The following KSR1 variants were observed in gnomAD, a reference collection of about 807,000 sequenced individuals.
KSR1 encodes the protein kinase suppressor of ras 1.
KSR1 carries 35 observed loss-of-function variants against 92.9 expected under a neutral mutation model. The observed-to-expected ratio is 0.38, with a 90% CI of 0.29 to 0.50. The LOEUF (loss-of-function observed/expected upper bound fraction) is 0.50, where lower values mean the gene tolerates loss of function less well. Among genes scored for constraint, KSR1 ranks in the 20% least tolerant of loss-of-function variants. The pLI, the probability that KSR1 is intolerant of heterozygous loss-of-function variation, is 0.94. For synonymous variants in KSR1, 467 were observed against 472.6 expected, an observed-to-expected ratio of 0.99 and a Z score of 0.15; for missense variants, 972 against 1,158.5, an observed-to-expected ratio of 0.84 and a Z score of 2.34.
At chr17:27,584,934 A>T (rs527772982) in intron 4 of KSR1, among the ~76,000 whole-genome samples, 1 of 151,976 alleles carries the variant, frequency 6.6e-6, no homozygotes, top group African/African-American at 2.4e-5. Flanking sequence ...TTGCCAACTG[A>T]TAGTTATTTT....
At chr17:27,611,183 G>A (rs2073905105) in intron 17 of KSR1, 2 of 344,306 alleles carry the variant, frequency 5.8e-6, no homozygotes, top group African/African-American at 2.1e-5. Context: ...CCACTGAGGT[G>A]AAGCAGTTTT....
intron 1 of KSR1, among the ~76,000 whole-genome samples, chr17:27,538,195 G>T (rs999933941): frequency 6.6e-6 from 1 of 152,194 alleles, no homozygotes. Context: ...GGACTTAATA[G>T]AACTACTTTT....
chr17:27,462,113 G>A (rs1468805511), intron 1 of KSR1, among the ~76,000 whole-genome samples: 4 of 152,192 alleles, frequency 2.6e-5, no homozygotes, highest in African/African-American at 7.2e-5. Flanking sequence ...GATGAAGAAC[G>A]TGCTTGATCA....
chr17:27,610,991 G>A (rs1276362184), intron 17 of KSR1, among the ~76,000 whole-genome samples: 1 of 152,194 alleles, frequency 6.6e-6, no homozygotes, highest in Non-Finnish European at 1.5e-5. Flanking sequence ...GAGAGGCCAA[G>A]GAAGGCTCAC....
chr17:27,622,230 T>A (rs2074244566), intron 20 of KSR1: 2 of 474,456 alleles, frequency 4.2e-6, no homozygotes, highest in African/African-American at 2.0e-5. Context: ...CATGACTGAT[T>A]GCTCCCGTGT....
At chr17:27,536,097 C>T (rs890019916) in intron 1 of KSR1, among the ~76,000 whole-genome samples, 2 of 152,252 alleles carry the variant, frequency 1.3e-5, no homozygotes, top group Non-Finnish European at 2.9e-5. Flanking sequence ...TAGGGTTCCC[C>T]TCTGTCTGGG....
At chr17:27,495,411 C>T (rs2068952422) in intron 1 of KSR1, among the ~76,000 whole-genome samples, 2 of 152,284 alleles carry the variant, frequency 1.3e-5, no homozygotes, top group East Asian at 1.9e-4. Flanking sequence ...AGGGACCCCT[C>T]ACACAGAGGA....
At chr17:27,506,531 G>T (rs75216659) in intron 1 of KSR1, among the ~76,000 whole-genome samples, 2 of 152,196 alleles carry the variant, frequency 1.3e-5, no homozygotes, top group East Asian at 3.8e-4. Flanking sequence ...GCACATTTCG[G>T]TGATTTCCAC....
chr17:27,513,409 A>G (rs983327324), intron 1 of KSR1, among the ~76,000 whole-genome samples: 2 of 151,882 alleles, frequency 1.3e-5, no homozygotes, highest in African/African-American at 4.8e-5. Context: ...TGGGCAACAT[A>G]GCAAGACTCC....
intron 1 of KSR1, among the ~76,000 whole-genome samples, chr17:27,498,621 G>T (rs906459133): frequency 1.3e-5 from 2 of 152,176 alleles, no homozygotes; most frequent in Non-Finnish European, 1.5e-5. Flanking sequence ...TTCTCCCAGG[G>T]TGATCCCGAT....
chr17:27,588,421 G>C (rs994156754), intron 5 of KSR1, 54 bp from the exon 6 acceptor site: 1 of 1,506,892 alleles, frequency 6.6e-7, no homozygotes, highest in Non-Finnish European at 9.0e-7. Flanking sequence ...TCATGGGCAC[G>C]AGCTGTCGCC....
At chr17:27,462,334 A>G (rs2019486663) in intron 1 of KSR1, among the ~76,000 whole-genome samples, 1 of 151,820 alleles carries the variant, frequency 6.6e-6, no homozygotes, top group Admixed American at 6.6e-5. Context: ...TGGCGGGGAG[A>G]TTCTGTGCAG....
intron 1 of KSR1, among the ~76,000 whole-genome samples, chr17:27,478,916 C>CCATCCATGCTCCTCCCTT (rs1436135305): frequency 1.3e-5 from 2 of 152,156 alleles, no homozygotes; most frequent in East Asian, 1.9e-4. Context: ...GGGTGGACTT[C>CCATCCATGCTCCTCCCTT]CATCCATGCT....
chr17:27,594,917 A>T (rs1271063885), intron 9 of KSR1, among the ~76,000 whole-genome samples: 4 of 152,186 alleles, frequency 2.6e-5, no homozygotes, highest in African/African-American at 9.7e-5. Flanking sequence ...CATACTATAC[A>T]GTGGCTCTGA....
At chr17:27,468,739 C>G (rs2019827247) in intron 1 of KSR1, among the ~76,000 whole-genome samples, 1 of 152,242 alleles carries the variant, frequency 6.6e-6, no homozygotes, top group African/African-American at 2.4e-5. Context: ...TAAGCTTGCT[C>G]TGGCTTCTGG....
At chr17:27,600,888 C>T (rs575967888) in intron 10 of KSR1, among the ~76,000 whole-genome samples, 20 of 152,234 alleles carry the variant, frequency 1.3e-4, no homozygotes, top group African/African-American at 4.6e-4. Flanking sequence ...GCTTCCAGAA[C>T]CCCAGTGTAT....
chr17:27,608,507 A>C (rs2073826587), intron 15 of KSR1, among the ~76,000 whole-genome samples: 1 of 152,190 alleles, frequency 6.6e-6, no homozygotes. Flanking sequence ...CGCTCCATGC[A>C]CCTGACTCAT....
intron 1 of KSR1, among the ~76,000 whole-genome samples, chr17:27,518,516 C>T (rs902365861): frequency 1.8e-4 from 28 of 152,140 alleles, no homozygotes; most frequent in Non-Finnish European, 7.3e-5. Context: ...GTCTGCCTGC[C>T]CACCCAGTGC....
intron 1 of KSR1, among the ~76,000 whole-genome samples, chr17:27,471,107 G>A (rs540580707): frequency 6.6e-6 from 1 of 152,198 alleles, no homozygotes; most frequent in East Asian, 1.9e-4. Context: ...GGCCTCAAGT[G>A]ATCTCCCTAC....
Sources: gnomAD v4.1 joint callset for allele counts (sites outside exome capture counted in the v4.1 genomes callset) on GRCh38, gnomAD v4.1.1 for gene constraint, MANE v1.5 for transcripts, NCBI Gene and HGNC (gene_info 2026-07-23, HGNC 2026-07-21) for gene names.